RNF144A: variants seen among roughly 807,000 people sequenced by gnomAD.
RNF144A encodes the protein E3 ubiquitin-protein ligase RNF144A.
In RNF144A, 11 loss-of-function variants were observed where a neutral mutation model predicts 38.7. The observed-to-expected ratio is 0.28, with a 90% confidence interval of 0.18 to 0.47. RNF144A has a LOEUF of 0.47. Ranked by LOEUF, RNF144A falls within the 20% of genes least tolerant of loss-of-function variation. The pLI is 0.99. For missense variants in RNF144A, 316 were observed against 377.2 expected (o/e 0.84, Z 1.34); for synonymous variants, 149 against 143.9 (o/e 1.04, Z -0.25).
downstream of RNF144A, among the ~76,000 whole-genome samples, chr2:7,071,188 G>A (rs929732295): frequency 6.6e-6 from 1 of 151,978 alleles, no homozygotes; most frequent in African/African-American, 2.4e-5. Context: ...CACCCTCCTC[G>A]GCCTCCCAAA....
At chr2:6,955,050 T>C (rs920812177) in intron 2 of RNF144A, among the ~76,000 whole-genome samples, 1 of 152,236 alleles carries the variant, frequency 6.6e-6, no homozygotes. Context: ...GATTTCATCA[T>C]GAAACATGTT....
chr2:7,065,853 G>T (rs1674190930), intron 6 of RNF144A, among the ~76,000 whole-genome samples: 1 of 152,176 alleles, frequency 6.6e-6, no homozygotes. Flanking sequence ...AAAAATACAG[G>T]CTTCTGCTGA....
intron 3 of RNF144A, among the ~76,000 whole-genome samples, chr2:7,004,228 T>A (rs894471136): frequency 6.6e-6 from 1 of 152,214 alleles, no homozygotes; most frequent in Non-Finnish European, 1.5e-5. Context: ...TTCATCTCCA[T>A]CCAGGGTCTC....
downstream of RNF144A, among the ~76,000 whole-genome samples, chr2:7,044,581 G>T (rs867725067): frequency 7.2e-5 from 11 of 152,096 alleles, no homozygotes; most frequent in African/African-American, 2.4e-4. Flanking sequence ...TTTATGAGTT[G>T]CAGCATGAAA....
chr2:6,991,030 T>C (rs925714363), intron 2 of RNF144A, among the ~76,000 whole-genome samples: 31 of 152,236 alleles, frequency 2.0e-4, no homozygotes, highest in African/African-American at 7.2e-4. Flanking sequence ...ATTTTTTCAG[T>C]GCCGAATAAT....
intron 3 of RNF144A, among the ~76,000 whole-genome samples, chr2:6,999,188 G>A (rs1669947171): frequency 6.6e-6 from 1 of 152,248 alleles, no homozygotes; most frequent in South Asian, 2.1e-4. Context: ...TGACACTGTG[G>A]TGATTTTTTT....
chr2:7,027,626 C>A (rs1336415786), intron 7 of RNF144A, among the ~76,000 whole-genome samples: 1 of 152,216 alleles, frequency 6.6e-6, no homozygotes, highest in Non-Finnish European at 1.5e-5. Context: ...TGCCCTGGGG[C>A]ATTGGCTCTT....
At chr2:6,918,460 T>C (rs185998247) in intron 1 of RNF144A, 289 of 152,378 alleles carry the variant, frequency 1.9e-3, no homozygotes, top group Non-Finnish European at 3.6e-3. Flanking sequence ...TGGTCTTTTT[T>C]CTAGAGAATA....
intron 1 of RNF144A, chr2:6,933,288 G>A (rs905104855): frequency 2.0e-5 from 3 of 152,182 alleles, no homozygotes; most frequent in African/African-American, 7.2e-5. Flanking sequence ...TGGGCACAGA[G>A]TCTAAAATGT....
At chr2:7,062,926 C>G (rs1365322983) in intron 6 of RNF144A, 1 of 152,210 alleles carries the variant, frequency 6.6e-6, no homozygotes, top group South Asian at 2.1e-4. Flanking sequence ...TGGAACAAAA[C>G]ATACAGTAAG....
rs139574202 is a variant in RNF144A at position 6,926,516 on chromosome 2, C to T, written c.-212+8894C>T. The stretch of plus-strand genomic sequence containing the variant: ...AAAGCAGGAGCCCATATGGATTAGG[C>T]CCAGAGCCATATGCATGCGGCTTCA... On this transcript the variant is annotated intron_variant, in intron 1 of 8. Coordinates refer to ENST00000320892, the MANE Select transcript of RNF144A (RefSeq NM_014746.6). 2.1e-3 allele frequency among the ~76,000 whole-genome samples: 324 copies of T among 152,302 alleles called. 1 individual carries two copies. Among genetic ancestry groups the T allele is most frequent in the Middle Eastern group, 0.017 (5 of 294 alleles).
intron 6 of RNF144A, among the ~76,000 whole-genome samples, chr2:7,067,393 C>T (rs1465497481): frequency 2.0e-5 from 3 of 152,204 alleles, no homozygotes; most frequent in Non-Finnish European, 2.9e-5. Flanking sequence ...AGACAACCTT[C>T]GTGGTGTTAA....
the RNF144A span, chr2:7,074,775 AAAAG>A: frequency 6.5e-6 from 1 of 153,662 alleles, no homozygotes; most frequent in Non-Finnish European, 1.5e-5. Context: ...AAGGAAGAAA[AAAAG>A]GAAGGAAGGA....
At chr2:6,938,233 C>T (rs1321549451) in intron 1 of RNF144A, among the ~76,000 whole-genome samples, 1 of 136,302 alleles carries the variant, frequency 7.3e-6, no homozygotes, top group African/African-American at 2.6e-5. Flanking sequence ...CTCCCCTCCC[C>T]CTCTCCCCTC....
chr2:7,051,677 T>C, intron 6 of RNF144A, among the ~76,000 whole-genome samples: 1 of 152,130 alleles, frequency 6.6e-6, no homozygotes, highest in East Asian at 1.9e-4. Flanking sequence ...TGACCTGAGA[T>C]CAGGAGTTTG....
chr2:7,042,556 A>G lies in RNF144A; in HGVS notation c.*2796A>G. 2.0e-6 allele frequency: 2 copies of G among 985,546 alleles called. No homozygotes were observed. Among genetic ancestry groups the G allele is most frequent in the Non-Finnish European group, 2.4e-6 (2 of 829,998 alleles). 61.1% of individuals were successfully genotyped at this position (985,546 alleles called of 1,614,324 possible). ...GGCCAGTGAGGACTGGCCTTAGCCC[A>G]GTGGACCTGTGGCTTCTCTGAGGCC... On this transcript the variant is annotated 3_prime_UTR_variant, in exon 9 of 9. Transcript: ENST00000320892.
chr2:7,051,538 AGAG>A (rs1673526681), intron 6 of RNF144A, among the ~76,000 whole-genome samples: 1 of 152,164 alleles, frequency 6.6e-6, no homozygotes, highest in South Asian at 2.1e-4. Flanking sequence ...GGAGCAGCGA[AGAG>A]GAGATGGGGG....
chr2:6,936,792 G>A (rs1323454850), intron 1 of RNF144A, among the ~76,000 whole-genome samples: 1 of 151,740 alleles, frequency 6.6e-6, no homozygotes, highest in Admixed American at 6.6e-5. Flanking sequence ...TAGGAAATGA[G>A]AAGCCTCATC....
intron 2 of RNF144A, among the ~76,000 whole-genome samples, chr2:6,989,057 C>T (rs551519948): frequency 1.3e-5 from 2 of 152,234 alleles, no homozygotes; most frequent in Admixed American, 6.5e-5. Context: ...ACCCTAGTTT[C>T]GGTAACTGGA....
Sources: gnomAD v4.1 joint callset for allele counts (sites outside exome capture counted in the v4.1 genomes callset) on GRCh38, gnomAD v4.1.1 for gene constraint, MANE v1.5 for transcripts, NCBI Gene and HGNC (gene_info 2026-07-23, HGNC 2026-07-21) for gene names.